The following AHI1 variants were observed in gnomAD, a reference collection of about 807,000 sequenced individuals.
AHI1 encodes Abelson helper integration site 1, also known as jouberin.
A neutral mutation model predicts 149.3 loss-of-function variants in AHI1; 123 were observed. The observed-to-expected ratio is 0.82, with a 90% CI of 0.71 to 0.96. AHI1 has a LOEUF of 0.96. AHI1 is among the 40% of genes least tolerant of loss of function. AHI1 has a pLI of 0.00. For synonymous variants in AHI1, 475 were observed against 459.8 expected (o/e 1.03, Z -0.42); for missense variants, 1,439 against 1,422.7 (o/e 1.01, Z -0.18).
intron 5 of AHI1, among the ~76,000 whole-genome samples, chr6:135,468,531 C>T (rs995483563): frequency 6.6e-6 from 1 of 152,058 alleles, no homozygotes; most frequent in African/African-American, 2.4e-5. Context: ...TGGTGAAACC[C>T]TATCTCTATC....
intron 20 of AHI1, among the ~76,000 whole-genome samples, chr6:135,419,082 A>G (rs1166260918): frequency 6.6e-6 from 1 of 151,718 alleles, no homozygotes; most frequent in Non-Finnish European, 1.5e-5. Context: ...AGGGCCTGTT[A>G]GCAATTTTGT....
In AHI1 at chr6:135,433,171, C is replaced by T. The variant is rs755569993; in HGVS notation, c.2122G>A (p.Ala708Thr). 32 of 1,613,156 alleles carry T rather than the reference C, an allele frequency of 2.0e-5. No individual in the cohort carries two copies. The highest frequency in any genetic ancestry group is 2.3e-5 in the Non-Finnish European group (27 of 1,179,206). The change falls in exon 16 of 29, where the codon GCT (alanine) becomes ACT (threonine). Residue 708 changes from alanine to threonine, a missense_variant. Ala to Thr is a moderately conservative substitution (Grantham distance 58, BLOSUM62 0). Coordinates refer to ENST00000265602, the MANE Select transcript of AHI1 (RefSeq NM_001134831.2). Reference sequence around the variant, plus strand: ...CCTGTAACTACTAGCTCTCTTACAGCTGGATGGAATTTAGCCGTGTAAACA... The same window carrying T: ...CCTGTAACTACTAGCTCTCTTACAGTTGGATGGAATTTAGCCGTGTAAACA... ...SFVYTAKFHP[A>T]VRELVVTGCY...
intron 5 of AHI1, among the ~76,000 whole-genome samples, chr6:135,477,151 C>T (rs1792804499): frequency 6.6e-6 from 1 of 151,918 alleles, no homozygotes; most frequent in Non-Finnish European, 1.5e-5. Context: ...TGCCATTCTC[C>T]TGCCCCAGCC....
At chr6:135,348,623 C>T (rs951925798) in intron 24 of AHI1, among the ~76,000 whole-genome samples, 6 of 152,224 alleles carry the variant, frequency 3.9e-5, no homozygotes, top group Middle Eastern at 3.4e-3. Flanking sequence ...CACTGTTTAA[C>T]ATTTTTCTCA....
At chr6:135,431,144 T>C in intron 17 of AHI1, 64 bp downstream of exon 17, 1 of 1,092,464 alleles carries the variant, frequency 9.2e-7, no homozygotes, top group Non-Finnish European at 1.3e-6. Flanking sequence ...TATCTTAAAG[T>C]CATGTGATTG....
At chr6:135,378,609 A>T (rs1439901990) in intron 23 of AHI1, among the ~76,000 whole-genome samples, 2 of 152,218 alleles carry the variant, frequency 1.3e-5, no homozygotes, top group Non-Finnish European at 2.9e-5. Context: ...TCAATCCTTA[A>T]AATATAATTT....
intron 5 of AHI1, 195 bp downstream of exon 5, chr6:135,490,428 T>A: frequency 1.5e-6 from 1 of 688,584 alleles, no homozygotes; most frequent in South Asian, 1.9e-5. Flanking sequence ...AGGACAGCAC[T>A]CAAGAATGAA....
rs1349879520 is a variant in AHI1 at position 135,431,697 on chromosome 6, A to G, written c.2267-383T>C. On this transcript the variant is annotated intron_variant, in intron 16 of 28. Coordinates refer to ENST00000265602, the MANE Select transcript of AHI1 (RefSeq NM_001134831.2). ...ACCCATAAATCTGTTTTGGATTCCT[A>G]GAAAAATACCTATATTCTAATATGC... Among the ~76,000 whole-genome samples, 14 of 152,256 alleles carry G rather than the reference A, an allele frequency of 9.2e-5. No homozygotes were observed. The South Asian group carries it at 2.9e-3, about 32-fold the overall frequency.
chr6:135,358,011 G>T, intron 24 of AHI1, 121 bp downstream of exon 24: 1 of 752,036 alleles, frequency 1.3e-6, no homozygotes, highest in Non-Finnish European at 2.3e-6. Flanking sequence ...AACAAATCTT[G>T]CAGGGATATA....
intron 23 of AHI1, among the ~76,000 whole-genome samples, chr6:135,364,501 A>G (rs1794579505): frequency 1.3e-5 from 2 of 149,674 alleles, no homozygotes; most frequent in African/African-American, 2.5e-5. Context: ...GCGGCCGGGC[A>G]GAGGCTGCAA....
At chr6:135,298,981 G>T (rs893824335) in intron 27 of AHI1, among the ~76,000 whole-genome samples, 1 of 151,976 alleles carries the variant, frequency 6.6e-6, no homozygotes, top group Non-Finnish European at 1.5e-5. Flanking sequence ...GTTAAACATG[G>T]TCATTTTTTT....
intron 22 of AHI1, 33 bp from the exon 23 acceptor site, chr6:135,394,929 G>C (rs368380754): frequency 1.9e-6 from 3 of 1,568,424 alleles, no homozygotes; most frequent in Non-Finnish European, 2.6e-6. Flanking sequence ...AAACTACAGT[G>C]TAATTTCCTG....
Position 135,492,268 on chromosome 6 carries a change from C to G in AHI1, c.-31G>C. 6.5e-7 allele frequency: 1 copy of G among 1,535,172 alleles called. No homozygotes were observed. Among genetic ancestry groups the G allele is most frequent in the South Asian group, 1.3e-5 (1 of 79,434 alleles). On this transcript the variant is annotated 5_prime_UTR_variant, in exon 4 of 29. Coordinates refer to ENST00000265602, the MANE Select transcript of AHI1 (RefSeq NM_001134831.2). ...AGCTTTATGCAGAGGACTGAGAATG[C>G]AAAGCATTGACTCAATCAGGATCCT...
At chr6:135,385,609 T>C (rs1294154362) in intron 23 of AHI1, among the ~76,000 whole-genome samples, 1 of 152,166 alleles carries the variant, frequency 6.6e-6, no homozygotes, top group African/African-American at 2.4e-5. Flanking sequence ...GAAAACATTA[T>C]TGGAGGGCTG....
At position 135,283,753 on chromosome 6, in the gene AHI1, G is replaced by A. The variant is rs1354746662; in HGVS notation, c.*1892C>T. On this transcript the variant is annotated 3_prime_UTR_variant, in exon 29 of 29. Transcript: ENST00000265602. ...CAGCGAGACAAAGGGGAAAAGGACTGGGCTTTCAGTAGAGCCAAATTTTCC... is the reference window on the plus strand; with the variant it reads ...CAGCGAGACAAAGGGGAAAAGGACTAGGCTTTCAGTAGAGCCAAATTTTCC... 1 of 152,088 alleles carries A rather than the reference G, an allele frequency of 6.6e-6. No homozygotes were observed. The highest frequency in any genetic ancestry group is 2.4e-5 in the African/African-American group (1 of 41,412). 9.4% of individuals were successfully genotyped at this position (152,088 alleles called of 1,614,324 possible). A position where few individuals can be genotyped will look rare whatever the true frequency, so the allele number is the denominator to read the frequency against.
chr6:135,412,805 G>T (rs1374327539), intron 20 of AHI1, among the ~76,000 whole-genome samples: 3 of 151,960 alleles, frequency 2.0e-5, no homozygotes, highest in African/African-American at 7.2e-5. Context: ...CTCAAAACAG[G>T]GATTCATAAT....
chr6:135,285,565 G>C lies in AHI1; in HGVS notation c.*80C>G. The C allele has an allele frequency of 1.4e-6, 2 of 1,448,022 alleles. No homozygotes were observed. Among genetic ancestry groups the C allele is most frequent in the Non-Finnish European group, 1.9e-6 (2 of 1,040,876 alleles). 89.7% of individuals were successfully genotyped at this position (1,448,022 alleles called of 1,614,324 possible). Reference sequence around the variant, plus strand: ...TTCCTCCTTAGTATCTGAAAATTCTGAACTCTGAAGAGAAATTCCATTTGG... The same window carrying C: ...TTCCTCCTTAGTATCTGAAAATTCTCAACTCTGAAGAGAAATTCCATTTGG... On this transcript the variant is annotated 3_prime_UTR_variant, in exon 29 of 29. Transcript: ENST00000265602.
At chr6:135,311,880 C>T (rs1225691619) in intron 26 of AHI1, among the ~76,000 whole-genome samples, 1 of 152,134 alleles carries the variant, frequency 6.6e-6, no homozygotes, top group Non-Finnish European at 1.5e-5. Flanking sequence ...TGATTTGTTT[C>T]GGGATGATTA....
chr6:135,303,899 A>C (rs1784213979), intron 26 of AHI1, among the ~76,000 whole-genome samples: 1 of 152,222 alleles, frequency 6.6e-6, no homozygotes, highest in South Asian at 2.1e-4. Flanking sequence ...GGAGTATACA[A>C]GCTCTAAACA....
Sources: gnomAD v4.1 joint callset for allele counts (sites outside exome capture counted in the v4.1 genomes callset) on GRCh38, gnomAD v4.1.1 for gene constraint, MANE v1.5 for transcripts, NCBI Gene and HGNC (gene_info 2026-07-23, HGNC 2026-07-21) for gene names.